ADAMTSL1: variants seen among roughly 807,000 people sequenced by gnomAD.
ADAMTSL1 encodes the protein ADAMTS-like protein 1.
ADAMTSL1 carries 126 observed loss-of-function variants against 201.8 expected under a neutral mutation model. That is an observed-to-expected ratio of 0.62 (90% CI 0.54 to 0.72). ADAMTSL1 has a LOEUF of 0.72. Ranked by LOEUF, ADAMTSL1 falls within the 30% of genes least tolerant of loss-of-function variation. The pLI, the probability that ADAMTSL1 is intolerant of heterozygous loss-of-function variation, is 0.00. For synonymous variants in ADAMTSL1, 1,121 were observed against 903.4 expected (o/e 1.24, Z -4.32); for missense variants, 2,679 against 2,277.8 (o/e 1.18, Z -3.59).
At chr9:18,316,297 T>C (rs1224207403) in intron 2 of ADAMTSL1, among the ~76,000 whole-genome samples, 2 of 152,084 alleles carry the variant, frequency 1.3e-5, no homozygotes, top group East Asian at 3.9e-4. Context: ...GACAGGGTTT[T>C]GAGGGCAACT....
rs548257716 is a variant in ADAMTSL1 at position 17,920,179 on chromosome 9, G to A, written c.87+13257G>A. Among the ~76,000 whole-genome samples, 8 of 152,232 alleles carry A rather than the reference G, an allele frequency of 5.3e-5. No homozygotes were observed. In the South Asian group the frequency reaches 1.7e-3, roughly 32 times the overall value. The stretch of plus-strand genomic sequence containing the variant: ...ATGTAACTGTTACTCTTTTCCTCCA[G>A]TGCTACTGAATACCTGTCACATGCC... On this transcript the variant is annotated intron_variant, in intron 1 of 29. Coordinates refer to the ADAMTSL1 transcript ENST00000680146.
At chr9:18,643,922 C>T (rs188019487) in intron 7 of ADAMTSL1, among the ~76,000 whole-genome samples, 1 of 151,590 alleles carries the variant, frequency 6.6e-6, no homozygotes, top group Non-Finnish European at 1.5e-5. Flanking sequence ...TGAAAAATGT[C>T]ATTGGAATTT....
intron 3 of ADAMTSL1, among the ~76,000 whole-genome samples, chr9:18,533,633 A>C (rs1204881591): frequency 6.6e-6 from 1 of 152,194 alleles, no homozygotes; most frequent in Non-Finnish European, 1.5e-5. Context: ...AATATTTGTA[A>C]ATCAAACTCA....
chr9:18,300,712 A>G (rs1443481695), intron 2 of ADAMTSL1, among the ~76,000 whole-genome samples: 1 of 152,202 alleles, frequency 6.6e-6, no homozygotes, highest in African/African-American at 2.4e-5. Context: ...TCTAGTGAGC[A>G]GGAAATTTAA....
At chr9:18,470,385 G>T (rs1287219402), upstream of ADAMTSL1, among the ~76,000 whole-genome samples, 1 of 152,198 alleles carries the variant, frequency 6.6e-6, no homozygotes, top group Admixed American at 6.5e-5. Context: ...GAGAATAGCA[G>T]TCTGCTTCCT....
At chr9:18,684,608 C>CT (rs1830710767) in intron 12 of ADAMTSL1, 108 bp from the exon 13 acceptor site, 7 of 1,219,158 alleles carry the variant, frequency 5.7e-6, no homozygotes, top group Non-Finnish European at 6.5e-6. Flanking sequence ...AAAACTTATT[C>CT]GTGTTGGTCA....
chr9:18,189,891 G>A (rs10963507), intron 2 of ADAMTSL1, among the ~76,000 whole-genome samples: 25,608 of 152,162 alleles, frequency 0.17, 2,338 homozygotes, highest in East Asian at 0.24. Context: ...TATTCAATAA[G>A]TCATTCTCAA....
intron 2 of ADAMTSL1, among the ~76,000 whole-genome samples, chr9:18,417,360 TA>T (rs1209211214): frequency 5.7e-5 from 2 of 34,790 alleles, no homozygotes; most frequent in Non-Finnish European, 1.2e-4. Context: ...AGAACTAAAG[TA>T]AGCAGGAAAA....
intron 1 of ADAMTSL1, among the ~76,000 whole-genome samples, chr9:18,105,639 G>T (rs190302804): frequency 6.6e-6 from 1 of 152,166 alleles, no homozygotes; most frequent in Non-Finnish European, 1.5e-5. Flanking sequence ...CCCACAAAGA[G>T]TGCTTTGCAG....
At chr9:18,726,221 G>A (rs544869317) in intron 15 of ADAMTSL1, among the ~76,000 whole-genome samples, 1 of 152,162 alleles carries the variant, frequency 6.6e-6, no homozygotes, top group Non-Finnish European at 1.5e-5. Flanking sequence ...TTAAGCTTCA[G>A]TCTGGGCGTG....
intron 2 of ADAMTSL1, among the ~76,000 whole-genome samples, chr9:18,275,637 G>A (rs186881446): frequency 3.9e-5 from 6 of 152,070 alleles, no homozygotes; most frequent in African/African-American, 1.4e-4. Context: ...CGTCTAAATT[G>A]TTTCACATAG....
rs941338646 is a variant in ADAMTSL1 at position 18,905,699 on chromosome 9, G to A, written c.4852-83G>A. ...CTCCAACAAGACCTACACAAGGATCGTGCATGCCATGCAGCCCAAGCACGG... is the reference window on the plus strand; with the variant it reads ...CTCCAACAAGACCTACACAAGGATCATGCATGCCATGCAGCCCAAGCACGG... On this transcript the variant is annotated intron_variant, in intron 26 of 28. Coordinates refer to ENST00000380548, the MANE Select transcript of ADAMTSL1 (RefSeq NM_001040272.6). 73 of 1,037,886 alleles carry A rather than the reference G, an allele frequency of 7.0e-5. 1 individual carries two copies. Among genetic ancestry groups the A allele is most frequent in the Middle Eastern group, 2.6e-4 (1 of 3,776 alleles). 64.3% of individuals were successfully genotyped at this position (1,037,886 alleles called of 1,614,324 possible).
intron 1 of ADAMTSL1, among the ~76,000 whole-genome samples, chr9:17,930,867 G>A (rs764775245): frequency 2.6e-5 from 4 of 152,164 alleles, no homozygotes; most frequent in Non-Finnish European, 4.4e-5. Flanking sequence ...CTCTTGTGTA[G>A]CTGTATTCAT....
chr9:18,287,115 C>T (rs78664954), intron 2 of ADAMTSL1, among the ~76,000 whole-genome samples: 1 of 152,088 alleles, frequency 6.6e-6, no homozygotes, highest in African/African-American at 2.4e-5. Flanking sequence ...CTGCAGCCTC[C>T]CTCCAGGATC....
intron 1 of ADAMTSL1, among the ~76,000 whole-genome samples, chr9:17,970,920 T>A (rs1428567965): frequency 6.6e-6 from 1 of 152,090 alleles, no homozygotes; most frequent in Non-Finnish European, 1.5e-5. Flanking sequence ...AAAAGATTAA[T>A]TGAATTTATG....
chr9:18,000,133 C>T (rs1013408501), intron 1 of ADAMTSL1, among the ~76,000 whole-genome samples: 3 of 150,422 alleles, frequency 2.0e-5, no homozygotes, highest in African/African-American at 7.4e-5. Context: ...AATGGGATGG[C>T]TGGGTCAAAT....
At chr9:18,842,726 G>A (rs964192677) in intron 23 of ADAMTSL1, among the ~76,000 whole-genome samples, 3 of 152,108 alleles carry the variant, frequency 2.0e-5, no homozygotes, top group African/African-American at 7.2e-5. Context: ...CTCCCATATT[G>A]GGTGCATATA....
At position 18,748,076 on chromosome 9, in the gene ADAMTSL1, G is replaced by A. The variant is rs140669594; in HGVS notation, c.2007-5222G>A. On this transcript the variant is annotated intron_variant, in intron 15 of 28. Transcript: ENST00000380548. The stretch of plus-strand genomic sequence containing the variant: ...GCAGGGTCAAGCCAGGAGGGCTTCA[G>A]CTTGATCTGTCAACTCATGGAGGCT... Among the ~76,000 whole-genome samples, 47 of 152,330 alleles carry A rather than the reference G, an allele frequency of 3.1e-4. 2 individuals carry two copies. In the East Asian group the frequency reaches 8.5e-3, roughly 28 times the overall value.
chr9:18,688,635 T>C (rs1218346505), intron 13 of ADAMTSL1, among the ~76,000 whole-genome samples: 1 of 101,260 alleles, frequency 9.9e-6, no homozygotes, highest in Non-Finnish European at 1.8e-5. Flanking sequence ...GCCACCAAAC[T>C]CCAGCCTGGG....
Sources: gnomAD v4.1 joint callset for allele counts (sites outside exome capture counted in the v4.1 genomes callset) on GRCh38, gnomAD v4.1.1 for gene constraint, MANE v1.5 for transcripts, NCBI Gene and HGNC (gene_info 2026-07-23, HGNC 2026-07-21) for gene names.